The following FBXL17 variants were observed in gnomAD, a reference collection of about 807,000 sequenced individuals.
FBXL17 encodes the protein F-box and leucine rich repeat protein 17, also known as F-box/LRR-repeat protein 17.
In FBXL17, 22 loss-of-function variants were observed where a neutral mutation model predicts 66.2. The ratio of observed to expected loss-of-function variants is 0.33; its 90% CI spans 0.24 to 0.47. The LOEUF is 0.47. Ranked by LOEUF, FBXL17 falls within the 20% of genes least tolerant of loss-of-function variation. The pLI is 1.00. For missense variants in FBXL17, 878 were observed against 948.2 expected, an observed-to-expected ratio of 0.93 and a Z score of 0.97; for synonymous variants, 474 against 400.5, an observed-to-expected ratio of 1.18 and a Z score of -2.19.
chr5:108,121,555 T>C (rs1750500184), intron 6 of FBXL17, among the ~76,000 whole-genome samples: 1 of 152,058 alleles, frequency 6.6e-6, no homozygotes, highest in Non-Finnish European at 1.5e-5. Flanking sequence ...TACAAAAATA[T>C]ATTTACAATT....
At chr5:108,355,633 T>C (rs559854764) in intron 3 of FBXL17, among the ~76,000 whole-genome samples, 2 of 152,300 alleles carry the variant, frequency 1.3e-5, no homozygotes, top group South Asian at 2.1e-4. Context: ...CTACCTGTGA[T>C]GCAGTACAAA....
intron 4 of FBXL17, among the ~76,000 whole-genome samples, chr5:108,318,239 C>T (rs1050199284): frequency 6.6e-6 from 1 of 151,632 alleles, no homozygotes; most frequent in Admixed American, 6.6e-5. Context: ...TACTCAGTAA[C>T]AGAACAATAA....
At chr5:108,238,096 CCTT>C (rs1216460588) in intron 4 of FBXL17, among the ~76,000 whole-genome samples, 1 of 152,140 alleles carries the variant, frequency 6.6e-6, no homozygotes, top group Non-Finnish European at 1.5e-5. Flanking sequence ...CACCAGGAAG[CCTT>C]CTTATTTGAA....
intron 4 of FBXL17, among the ~76,000 whole-genome samples, chr5:108,239,975 T>C (rs1401980632): frequency 6.6e-6 from 1 of 151,886 alleles, no homozygotes; most frequent in East Asian, 1.9e-4. Context: ...GAACCTGCCA[T>C]CTTGAAGGGA....
At chr5:107,864,574 T>C (rs1042726333) in intron 8 of FBXL17, among the ~76,000 whole-genome samples, 4 of 152,160 alleles carry the variant, frequency 2.6e-5, no homozygotes, top group South Asian at 4.1e-4. Context: ...GTTTGGTTCA[T>C]GGGGGTCTGC....
intron 4 of FBXL17, among the ~76,000 whole-genome samples, chr5:108,332,941 CAAAA>C (rs34218940): frequency 2.9e-5 from 1 of 34,764 alleles, no homozygotes; most frequent in Non-Finnish European, 4.6e-5. Context: ...AAAGCAAAAG[CAAAA>C]AAAAAAAAAA....
intron 7 of FBXL17, among the ~76,000 whole-genome samples, chr5:107,994,411 T>C (rs1753383564): frequency 6.6e-6 from 1 of 152,180 alleles, no homozygotes; most frequent in African/African-American, 2.4e-5. Context: ...TGTGTATATA[T>C]GCACACATGT....
intron 7 of FBXL17, among the ~76,000 whole-genome samples, chr5:107,983,716 G>A (rs1355497245): frequency 2.0e-5 from 3 of 152,156 alleles, no homozygotes; most frequent in African/African-American, 7.2e-5. Context: ...GGACAGAAGG[G>A]CAAAGTCCGG....
intron 6 of FBXL17, among the ~76,000 whole-genome samples, chr5:108,072,819 G>A (rs1234524515): frequency 6.6e-6 from 1 of 152,112 alleles, no homozygotes; most frequent in East Asian, 1.9e-4. Context: ...CATTTCAGAT[G>A]CCTAAAAGAA....
intron 7 of FBXL17, among the ~76,000 whole-genome samples, chr5:107,936,561 A>C (rs900205368): frequency 9.2e-3 from 26 of 2,812 alleles, no homozygotes; most frequent in Non-Finnish European, 0.01. Context: ...ACTATTCTTG[A>C]ATTTGAAACT....
At chr5:108,175,353 T>C (rs1752759634) in intron 6 of FBXL17, among the ~76,000 whole-genome samples, 1 of 152,166 alleles carries the variant, frequency 6.6e-6, no homozygotes, top group Admixed American at 6.5e-5. Context: ...AGCAGAGCCA[T>C]GCGCTATAGA....
At chr5:107,943,533 G>A (rs1247243730) in intron 7 of FBXL17, among the ~76,000 whole-genome samples, 4 of 136,832 alleles carry the variant, frequency 2.9e-5, no homozygotes, top group African/African-American at 5.7e-5. Flanking sequence ...CATAGTCTTT[G>A]TTTAGAACCT....
intron 6 of FBXL17, among the ~76,000 whole-genome samples, chr5:108,072,644 C>A (rs2112865763): frequency 6.6e-6 from 1 of 152,210 alleles, no homozygotes; most frequent in African/African-American, 2.4e-5. Context: ...GGAGGCGGAG[C>A]TTACAGTGAG....
At chr5:108,043,522 A>C (rs2112807969) in intron 6 of FBXL17, among the ~76,000 whole-genome samples, 1 of 152,162 alleles carries the variant, frequency 6.6e-6, no homozygotes, top group African/African-American at 2.4e-5. Context: ...ATCTTTGGCA[A>C]ACTCACATAA....
chr5:107,953,184 C>T (rs902740768), intron 7 of FBXL17, among the ~76,000 whole-genome samples: 8 of 151,870 alleles, frequency 5.3e-5, no homozygotes, highest in African/African-American at 1.5e-4. Context: ...GGGCGGATCA[C>T]GAGGTCAGGA....
intron 4 of FBXL17, among the ~76,000 whole-genome samples, chr5:108,287,891 T>C (rs1245389889): frequency 6.6e-6 from 1 of 151,858 alleles, no homozygotes; most frequent in Non-Finnish European, 1.5e-5. Context: ...GTAAACTAGA[T>C]AAAGAAAATG....
intron 7 of FBXL17, among the ~76,000 whole-genome samples, chr5:107,888,003 TAATCC>T (rs1429547266): frequency 6.6e-6 from 1 of 152,226 alleles, no homozygotes; most frequent in African/African-American, 2.4e-5. Context: ...ACTTTGTATA[TAATCC>T]AATACTTTTA....
At chr5:108,346,219 A>C (rs976713904) in intron 4 of FBXL17, among the ~76,000 whole-genome samples, 12 of 152,140 alleles carry the variant, frequency 7.9e-5, no homozygotes, top group African/African-American at 2.7e-4. Context: ...TAAAGAGTTC[A>C]AATTATTCTA....
At chr5:108,197,716 T>C (rs1753734514) in intron 5 of FBXL17, among the ~76,000 whole-genome samples, 1 of 152,176 alleles carries the variant, frequency 6.6e-6, no homozygotes, top group African/African-American at 2.4e-5. Flanking sequence ...ATGATAGTAA[T>C]GATTTTTAAC....
Sources: allele counts gnomAD v4.1 joint callset (sites outside exome capture counted in the v4.1 genomes callset), GRCh38; gene constraint gnomAD v4.1.1; transcripts MANE v1.5; gene names NCBI Gene and HGNC (gene_info 2026-07-23, HGNC 2026-07-21).